TRPC4: variants seen among roughly 807,000 people sequenced by gnomAD.
TRPC4 encodes transient receptor potential cation channel subfamily C member 4, also known as short transient receptor potential channel 4.
A neutral mutation model predicts 99.4 loss-of-function variants in TRPC4; 49 were observed. That is an observed-to-expected ratio of 0.49 (90% CI 0.39 to 0.63). TRPC4 has a LOEUF of 0.63. TRPC4 is among the 20% of genes least tolerant of loss of function. The pLI, the probability that TRPC4 is intolerant of heterozygous loss-of-function variation, is 0.00. For missense variants in TRPC4, 898 were observed against 1,152.9 expected, an observed-to-expected ratio of 0.78 and a Z score of 3.20; for synonymous variants, 454 against 425.9, an observed-to-expected ratio of 1.07 and a Z score of -0.81.
intron 1 of TRPC4, among the ~76,000 whole-genome samples, chr13:37,809,806 T>C (rs1487597127): frequency 6.6e-6 from 1 of 152,092 alleles, no homozygotes; most frequent in African/African-American, 2.4e-5. Flanking sequence ...CCTAGAGCAC[T>C]GATGTTATTA....
chr13:37,665,069 A>G (rs1279814398), intron 5 of TRPC4, among the ~76,000 whole-genome samples: 1 of 152,172 alleles, frequency 6.6e-6, no homozygotes, highest in East Asian at 1.9e-4. Context: ...AAAAGTTAAG[A>G]TGTTTTTCTC....
intron 8 of TRPC4, among the ~76,000 whole-genome samples, chr13:37,640,208 G>T (rs1426004956): frequency 6.6e-6 from 1 of 151,870 alleles, no homozygotes; most frequent in Non-Finnish European, 1.5e-5. Flanking sequence ...GAATTAATTT[G>T]GTAAATTGTG....
At chr13:37,640,454 T>C (rs1052532971) in intron 8 of TRPC4, among the ~76,000 whole-genome samples, 7 of 152,186 alleles carry the variant, frequency 4.6e-5, no homozygotes, top group African/African-American at 1.7e-4. Context: ...TCATGATTAG[T>C]AGTGACTTGT....
At chr13:37,664,378 A>G (rs1204534694) in intron 5 of TRPC4, among the ~76,000 whole-genome samples, 1 of 152,152 alleles carries the variant, frequency 6.6e-6, no homozygotes, top group Non-Finnish European at 1.5e-5. Flanking sequence ...GTTCGCGACC[A>G]GCCTGACCAA....
At chr13:37,726,405 G>A (rs2139060348) in intron 3 of TRPC4, among the ~76,000 whole-genome samples, 1 of 152,208 alleles carries the variant, frequency 6.6e-6, no homozygotes, top group African/African-American at 2.4e-5. Flanking sequence ...TTGAAGTTAA[G>A]ATGGTATGAA....
At chr13:37,851,485 C>A (rs570871450) in intron 1 of TRPC4, among the ~76,000 whole-genome samples, 1 of 151,726 alleles carries the variant, frequency 6.6e-6, no homozygotes, top group Non-Finnish European at 1.5e-5. Context: ...TTTTATGAGA[C>A]CTAAAATATA....
rs555729875 is a variant in TRPC4 at position 37,815,184 on chromosome 13, G to T, written c.-27-31824C>A. 2.6e-4 allele frequency among the ~76,000 whole-genome samples: 40 copies of T among 151,778 alleles called. No individual in the cohort carries two copies. In the East Asian group the frequency reaches 7.8e-3, roughly 29 times the overall value. On this transcript the variant is annotated intron_variant, in intron 1 of 10. Coordinates refer to ENST00000379705, the MANE Select transcript of TRPC4 (RefSeq NM_016179.4). ...AATATGGAAAATTCAATTCAAAAAG[G>T]ATCAAAGATCTAAATGTTAAGAGCT...
intron 6 of TRPC4, among the ~76,000 whole-genome samples, chr13:37,657,143 T>C (rs1002942245): frequency 3.3e-5 from 5 of 152,100 alleles, no homozygotes; most frequent in Admixed American, 2.6e-4. Context: ...AGACAGAAAA[T>C]TTAACTATTT....
intron 8 of TRPC4, among the ~76,000 whole-genome samples, chr13:37,647,867 G>T (rs1951898326): frequency 6.6e-6 from 1 of 152,100 alleles, no homozygotes. Flanking sequence ...AATTACTTTT[G>T]ATATTACTTT....
intron 1 of TRPC4, among the ~76,000 whole-genome samples, chr13:37,862,432 C>T (rs567160778): frequency 1.5e-4 from 22 of 151,564 alleles, no homozygotes; most frequent in East Asian, 7.7e-4. Flanking sequence ...AAATTTAACA[C>T]GGATTTACAG....
At chr13:37,670,422 G>C (rs1420160320) in intron 5 of TRPC4, among the ~76,000 whole-genome samples, 1 of 152,082 alleles carries the variant, frequency 6.6e-6, no homozygotes, top group African/African-American at 2.4e-5. Context: ...TCCTGTTCAG[G>C]AATCCTCAGA....
Position 37,639,149 on chromosome 13 carries a change from G to T in TRPC4, c.2122-20C>A, listed in dbSNP as rs1272344745. The T allele has an allele frequency of 6.2e-7, 1 of 1,613,454 alleles. No individual in the cohort carries two copies. Among genetic ancestry groups the T allele is most frequent in the East Asian group, 2.2e-5 (1 of 44,856 alleles). Reference sequence around the variant, plus strand: ...AACTTCCTGAGGCATTTTAGAACAAGAGTATTGATACTCAATGAGTAAATA... The same window carrying T: ...AACTTCCTGAGGCATTTTAGAACAATAGTATTGATACTCAATGAGTAAATA... On this transcript the variant is annotated intron_variant, in intron 9 of 10. Transcript: ENST00000379705.
intron 6 of TRPC4, among the ~76,000 whole-genome samples, chr13:37,657,831 A>G (rs1386226193): frequency 6.6e-6 from 1 of 152,202 alleles, no homozygotes; most frequent in Non-Finnish European, 1.5e-5. Context: ...AATTCTAAAT[A>G]AAGTGACATT....
intron 1 of TRPC4, among the ~76,000 whole-genome samples, chr13:37,854,474 G>T (rs759145632): frequency 2.0e-5 from 3 of 151,864 alleles, no homozygotes; most frequent in Non-Finnish European, 4.4e-5. Context: ...ATCAAGAAAA[G>T]AATCATCTAA....
chr13:37,856,592 A>G (rs376297285), intron 1 of TRPC4, among the ~76,000 whole-genome samples: 3 of 151,632 alleles, frequency 2.0e-5, no homozygotes, highest in Non-Finnish European at 4.4e-5. Context: ...AGAAAACTGC[A>G]GGCCAATATC....
At chr13:37,825,722 T>C (rs1231477619) in intron 1 of TRPC4, among the ~76,000 whole-genome samples, 4 of 148,394 alleles carry the variant, frequency 2.7e-5, no homozygotes, top group Non-Finnish European at 6.0e-5. Flanking sequence ...ATAGGTGTGG[T>C]GTGGTGCTGA....
intron 1 of TRPC4, among the ~76,000 whole-genome samples, chr13:37,790,387 T>C (rs1408032596): frequency 1.3e-5 from 2 of 152,182 alleles, no homozygotes; most frequent in Non-Finnish European, 2.9e-5. Context: ...CCCATGAGAC[T>C]GCAACCACAC....
At position 37,715,125 on chromosome 13, in the gene TRPC4, A is replaced by C. The variant is rs571487891; in HGVS notation, c.898-22790T>G. 3.3e-4 allele frequency among the ~76,000 whole-genome samples: 51 copies of C among 152,300 alleles called. No homozygotes were observed. The South Asian group carries it at 9.9e-3, about 30-fold the overall frequency. On this transcript the variant is annotated intron_variant, in intron 3 of 10. Transcript: ENST00000379705. ...TGCAGGAGTTTCATGGTCTAAAGAG[A>C]GCTGAAAGCACTTGTCTAGGACCAC...
At chr13:37,750,559 T>C (rs1955905444) in intron 2 of TRPC4, among the ~76,000 whole-genome samples, 1 of 152,178 alleles carries the variant, frequency 6.6e-6, no homozygotes, top group African/African-American at 2.4e-5. Flanking sequence ...GCAAATTATA[T>C]TAATAAGTTT....
Sources: gnomAD v4.1 joint callset for allele counts (sites outside exome capture counted in the v4.1 genomes callset) on GRCh38, gnomAD v4.1.1 for gene constraint, MANE v1.5 for transcripts, NCBI Gene and HGNC (gene_info 2026-07-23, HGNC 2026-07-21) for gene names.